GRIK1: variants seen among roughly 807,000 people sequenced by gnomAD.
GRIK1 encodes glutamate receptor ionotropic, kainate 1.
GRIK1 carries 69 observed loss-of-function variants against 105.7 expected under a neutral mutation model. The ratio of observed to expected loss-of-function variants is 0.65; its 90% CI spans 0.54 to 0.80. The LOEUF (loss-of-function observed/expected upper bound fraction) is 0.80. Ranked by LOEUF, GRIK1 falls within the 30% of genes least tolerant of loss-of-function variation. GRIK1 has a pLI of 0.00. For missense variants in GRIK1, 1,109 were observed against 1,167.3 expected, an observed-to-expected ratio of 0.95 and a Z score of 0.73; for synonymous variants, 438 against 431.3, an observed-to-expected ratio of 1.02 and a Z score of -0.19.
Position 29,555,098 on chromosome 21 carries a change from A to G in GRIK1, c.2561T>C (p.Ile854Thr), listed in dbSNP as rs1485260883. 6.2e-7 allele frequency: 1 copy of G among 1,610,124 alleles called. No homozygotes were observed. Among genetic ancestry groups the G allele is most frequent in the South Asian group, 1.1e-5 (1 of 91,010 alleles). Residue 854 changes from isoleucine (I) to threonine (T), a missense_variant, in exon 16 of 18, where the codon ATT (isoleucine) becomes ACT (threonine). Ile to Thr is a moderately conservative substitution (Grantham distance 89). Coordinates refer to ENST00000327783, the MANE Select transcript of GRIK1 (RefSeq NM_001330994.2). ...CCGTGATTTGTATATGAATTCTCCAATAGCTACAAATACAGAAAGGACCAG... is the reference window on the plus strand; with the variant it reads ...CCGTGATTTGTATATGAATTCTCCAGTAGCTACAAATACAGAAAGGACCAG... The part of the protein sequence containing the change: ...AGLVLSVFVA[I>T]GEFIYKSRKN...
chr21:29,560,115 G>T (rs1242148718), intron 15 of GRIK1, among the ~76,000 whole-genome samples: 2 of 152,048 alleles, frequency 1.3e-5, no homozygotes, highest in African/African-American at 4.8e-5. Context: ...AAACCTACCT[G>T]GGGTCCTTAA....
intron 1 of GRIK1, among the ~76,000 whole-genome samples, chr21:29,906,114 A>G (rs2070630844): frequency 6.6e-6 from 1 of 152,150 alleles, no homozygotes; most frequent in African/African-American, 2.4e-5. Flanking sequence ...CGTTTTTTCA[A>G]TCTTTTTCTC....
chr21:29,666,356 T>C (rs891392009), intron 4 of GRIK1, among the ~76,000 whole-genome samples: 4 of 152,150 alleles, frequency 2.6e-5, no homozygotes. Flanking sequence ...TGAGCCGAGA[T>C]CATGCCATTG....
intron 1 of GRIK1, among the ~76,000 whole-genome samples, chr21:29,893,234 G>A (rs107033): frequency 0.14 from 21,793 of 152,082 alleles, 1,808 homozygotes; most frequent in East Asian, 0.35. Flanking sequence ...ATTCATCTTA[G>A]GTTTGAATCC....
intron 1 of GRIK1, among the ~76,000 whole-genome samples, chr21:29,816,757 A>G (rs2067165529): frequency 6.6e-6 from 1 of 152,126 alleles, no homozygotes; most frequent in South Asian, 2.1e-4. Flanking sequence ...CCATAGACAA[A>G]GAGAGTAGAA....
intron 1 of GRIK1, among the ~76,000 whole-genome samples, chr21:29,797,988 T>C (rs905767593): frequency 1.3e-5 from 2 of 152,208 alleles, no homozygotes; most frequent in African/African-American, 4.8e-5. Flanking sequence ...TTAGTCCCAA[T>C]GAGTATGTTT....
intron 7 of GRIK1, among the ~76,000 whole-genome samples, chr21:29,621,951 C>A (rs28419628): frequency 2.8e-5 from 4 of 143,674 alleles, no homozygotes; most frequent in Admixed American, 1.4e-4. Flanking sequence ...CTTCTTTTTT[C>A]TTTTTTTTTT....
chr21:29,766,012 C>T (rs907667805), intron 1 of GRIK1, among the ~76,000 whole-genome samples: 7 of 151,902 alleles, frequency 4.6e-5, no homozygotes, highest in South Asian at 2.1e-4. Flanking sequence ...CCACCACGCC[C>T]GGCTAATTTT....
chr21:29,841,844 G>C (rs2146005297), intron 1 of GRIK1, among the ~76,000 whole-genome samples: 1 of 152,134 alleles, frequency 6.6e-6, no homozygotes, highest in Non-Finnish European at 1.5e-5. Context: ...AATGGTTTCT[G>C]TTTGCTTGAA....
At position 29,718,352 on chromosome 21, in the gene GRIK1, A is replaced by C. The variant is rs78758841; in HGVS notation, c.119-24289T>G. On this transcript the variant is annotated intron_variant, in intron 1 of 17. Transcript: ENST00000327783. ...GTATGGTTACAAAACACTTGTTTTC[A>C]TTTATTATTTATCCACTTACCAAAA... 4.4e-3 allele frequency among the ~76,000 whole-genome samples: 666 copies of C among 152,316 alleles called. 1 individual carries two copies. The highest frequency in any genetic ancestry group is 0.015 in the African/African-American group (627 of 41,574).
intron 1 of GRIK1, among the ~76,000 whole-genome samples, chr21:29,782,292 T>A (rs2066142927): frequency 6.6e-6 from 1 of 151,996 alleles, no homozygotes; most frequent in Admixed American, 6.5e-5. Context: ...TTCACCGTGT[T>A]AGCCAGGATG....
At chr21:29,846,469 G>GAAAT (rs1157264316) in intron 1 of GRIK1, among the ~76,000 whole-genome samples, 1 of 48,322 alleles carries the variant, frequency 2.1e-5, no homozygotes, top group Non-Finnish European at 8.0e-5. Context: ...GAGAGAGAAA[G>GAAAT]AAAGAAAGAA....
intron 9 of GRIK1, among the ~76,000 whole-genome samples, chr21:29,591,748 G>A (rs2061337134): frequency 6.6e-6 from 1 of 152,062 alleles, no homozygotes; most frequent in Admixed American, 6.5e-5. Context: ...GAGAGACCCA[G>A]CATCTAAAAG....
intron 1 of GRIK1, among the ~76,000 whole-genome samples, chr21:29,860,613 T>C (rs1211676038): frequency 6.6e-6 from 1 of 152,238 alleles, no homozygotes; most frequent in African/African-American, 2.4e-5. Flanking sequence ...AATTATTTGT[T>C]GACAACGCCT....
intron 1 of GRIK1, among the ~76,000 whole-genome samples, chr21:29,901,525 A>T (rs1226718060): frequency 7.0e-6 from 1 of 142,904 alleles, no homozygotes; most frequent in Non-Finnish European, 1.5e-5. Context: ...ACCTCTACAC[A>T]AATAAACCAG....
chr21:29,800,732 G>C (rs184260730), intron 1 of GRIK1, among the ~76,000 whole-genome samples: 1 of 152,208 alleles, frequency 6.6e-6, no homozygotes, highest in Non-Finnish European at 1.5e-5. Flanking sequence ...ACACAAGAAA[G>C]TATAAGACAT....
At chr21:29,745,627 A>G (rs2065031012) in intron 1 of GRIK1, among the ~76,000 whole-genome samples, 1 of 152,172 alleles carries the variant, frequency 6.6e-6, no homozygotes, top group South Asian at 2.1e-4. Context: ...GTTACTTACC[A>G]ATTATTATTA....
intron 1 of GRIK1, among the ~76,000 whole-genome samples, chr21:29,881,535 T>C (rs945065303): frequency 6.6e-6 from 1 of 152,132 alleles, no homozygotes; most frequent in Non-Finnish European, 1.5e-5. Context: ...TCTGGAACTC[T>C]ATTGGAAATG....
chr21:29,596,013 C>A, intron 9 of GRIK1: 1 of 249,692 alleles, frequency 4.0e-6, no homozygotes, highest in Admixed American at 5.2e-5. Context: ...ATGAAGATAT[C>A]ACACAAAACA....
Sources: gnomAD v4.1 joint callset for allele counts (sites outside exome capture counted in the v4.1 genomes callset) on GRCh38, gnomAD v4.1.1 for gene constraint, MANE v1.5 for transcripts, NCBI Gene and HGNC (gene_info 2026-07-23, HGNC 2026-07-21) for gene names.